The following PLEKHA5 variants were observed in gnomAD, a reference collection of about 807,000 sequenced individuals.
PLEKHA5 encodes the protein pleckstrin homology domain containing A5, also known as pleckstrin homology domain-containing family A member 5.
Under a neutral mutation model 181.9 loss-of-function variants are expected in PLEKHA5, and 55 were observed. The ratio of observed to expected loss-of-function variants is 0.30; its 90% confidence interval spans 0.24 to 0.38. The LOEUF (loss-of-function observed/expected upper bound fraction) is 0.38, where lower values mean the gene tolerates loss of function less well. Ranked by LOEUF, PLEKHA5 falls within the 10% of genes least tolerant of loss-of-function variation. The pLI is 1.00. For missense variants in PLEKHA5, 1,432 were observed against 1,549.5 expected (o/e 0.92, Z 1.27); for synonymous variants, 535 against 529.4 (o/e 1.01, Z -0.15).
intron 3 of PLEKHA5, among the ~76,000 whole-genome samples, chr12:19,188,182 TA>T (rs1259025519): frequency 6.6e-6 from 1 of 152,182 alleles, no homozygotes; most frequent in East Asian, 1.9e-4. Flanking sequence ...CAAGAGCAGG[TA>T]CAAATAGAGT....
chr12:19,149,652 G>A (rs1023915949), intron 3 of PLEKHA5: 1 of 152,200 alleles, frequency 6.6e-6, no homozygotes, highest in African/African-American at 2.4e-5. Flanking sequence ...GCTCTTATCT[G>A]AGATCACCTA....
intron 3 of PLEKHA5, among the ~76,000 whole-genome samples, chr12:19,208,404 T>C (rs143390016): frequency 0.17 from 10,510 of 61,054 alleles, 396 homozygotes; most frequent in Non-Finnish European, 0.29. Context: ...AAAAACTCTG[T>C]CTCAAAAAAA....
intron 3 of PLEKHA5, among the ~76,000 whole-genome samples, chr12:19,253,414 T>C (rs2065942975): frequency 6.6e-6 from 1 of 151,958 alleles, no homozygotes; most frequent in African/African-American, 2.4e-5. Context: ...GAAAAAGGAT[T>C]GAGGCCAGAC....
In PLEKHA5 at chr12:19,255,127, T is replaced by G. The variant is rs762134417; in HGVS notation, c.394T>G (p.Ser132Ala). 6.2e-7 allele frequency: 1 copy of G among 1,608,910 alleles called. No individual in the cohort carries two copies. The highest frequency in any genetic ancestry group is 8.5e-7 in the Non-Finnish European group (1 of 1,176,344). ...TGAAGCTTCTAACTATAACGTGACT[T>G]CAGATTATGCAGTGCATCCAATGAG... ...INEASNYNVT[S>A]DYAVHPMSPV... The change falls in exon 5 of 32, where the codon TCA becomes GCA. Residue 132 changes from serine (S) to alanine (A), a missense_variant. Ser to Ala is a moderately conservative substitution (Grantham distance 99). This residue lies in a region of PLEKHA5 where 289 missense variants were observed against 381.1 expected (regional missense o/e 0.76). Coordinates refer to ENST00000429027, the MANE Select transcript of PLEKHA5 (RefSeq NM_001256470.2).
At chr12:19,335,326 C>G (rs1240746035) in intron 20 of PLEKHA5, among the ~76,000 whole-genome samples, 1 of 151,848 alleles carries the variant, frequency 6.6e-6, no homozygotes, top group African/African-American at 2.4e-5. Context: ...AACCACCACA[C>G]CCAGCCAATC....
intron 3 of PLEKHA5, among the ~76,000 whole-genome samples, chr12:19,141,176 C>T (rs191048528): frequency 6.6e-6 from 1 of 152,164 alleles, no homozygotes; most frequent in African/African-American, 2.4e-5. Context: ...CCCCTCCCCC[C>T]CAACAGAAAG....
intron 3 of PLEKHA5, among the ~76,000 whole-genome samples, chr12:19,208,430 T>C (rs2056174152): frequency 6.6e-6 from 1 of 152,044 alleles, no homozygotes; most frequent in African/African-American, 2.4e-5. Context: ...AAGTTCATTT[T>C]TTCACTCGAA....
chr12:19,307,925 TAAAAAG>T (rs997376201), intron 15 of PLEKHA5, among the ~76,000 whole-genome samples: 30 of 143,124 alleles, frequency 2.1e-4, no homozygotes, highest in South Asian at 1.1e-3. Flanking sequence ...CTGGGAAACA[TAAAAAG>T]AAGAAGAAAG....
intron 7 of PLEKHA5, among the ~76,000 whole-genome samples, chr12:19,262,173 T>G (rs1376291371): frequency 1.3e-5 from 2 of 152,258 alleles, no homozygotes; most frequent in Non-Finnish European, 2.9e-5. Context: ...GGACTACTTA[T>G]AACAAGAAAT....
At chr12:19,248,260 C>G (rs948483884) in intron 3 of PLEKHA5, among the ~76,000 whole-genome samples, 2 of 151,956 alleles carry the variant, frequency 1.3e-5, no homozygotes, top group Non-Finnish European at 2.9e-5. Flanking sequence ...TGCATTGGCA[C>G]TATCTCAACT....
At chr12:19,374,238 CTT>C (rs139465408) in intron 31 of PLEKHA5, among the ~76,000 whole-genome samples, 51 of 136,952 alleles carry the variant, frequency 3.7e-4, no homozygotes, top group Non-Finnish European at 4.3e-4. Flanking sequence ...ACGTTTGGTA[CTT>C]TTTTTTTTTT....
chr12:19,270,747 T>C (rs1472505117), intron 10 of PLEKHA5, among the ~76,000 whole-genome samples: 1 of 152,184 alleles, frequency 6.6e-6, no homozygotes, highest in African/African-American at 2.4e-5. Context: ...TTCCAGTCAG[T>C]GACAGCTGAG....
At chr12:19,293,544 T>C (rs1370563470) in intron 15 of PLEKHA5, among the ~76,000 whole-genome samples, 1 of 152,076 alleles carries the variant, frequency 6.6e-6, no homozygotes, top group Non-Finnish European at 1.5e-5. Context: ...CTAAGATACA[T>C]GGGAAATAAA....
intron 29 of PLEKHA5, among the ~76,000 whole-genome samples, chr12:19,364,523 T>C (rs1472585032): frequency 6.6e-6 from 1 of 151,682 alleles, no homozygotes; most frequent in African/African-American, 2.4e-5. Context: ...AAAAAAAATA[T>C]ATATGTGTCA....
chr12:19,206,514 A>G (rs139903432), intron 3 of PLEKHA5, among the ~76,000 whole-genome samples: 5 of 152,234 alleles, frequency 3.3e-5, no homozygotes, highest in Non-Finnish European at 5.9e-5. Flanking sequence ...GTTAGTACAC[A>G]TAAATGTCAG....
intron 11 of PLEKHA5, among the ~76,000 whole-genome samples, chr12:19,280,040 T>C: frequency 1.0e-5 from 1 of 98,444 alleles, no homozygotes; most frequent in African/African-American, 5.4e-5. Context: ...AAACCTGTTT[T>C]TTTTTTTTTT....
At chr12:19,156,563 A>G (rs1001839854) in intron 3 of PLEKHA5, among the ~76,000 whole-genome samples, 1 of 151,720 alleles carries the variant, frequency 6.6e-6, no homozygotes, top group South Asian at 2.1e-4. Context: ...CACATCTGAG[A>G]CTGTTTCTTA....
At chr12:19,299,945 C>T (rs2080990237) in intron 15 of PLEKHA5, among the ~76,000 whole-genome samples, 2 of 152,184 alleles carry the variant, frequency 1.3e-5, no homozygotes, top group South Asian at 2.1e-4. Flanking sequence ...ATTCCTCCCC[C>T]ATAAACCCGT....
intron 3 of PLEKHA5, among the ~76,000 whole-genome samples, chr12:19,212,972 A>G (rs2057262676): frequency 6.6e-6 from 1 of 152,040 alleles, no homozygotes; most frequent in South Asian, 2.1e-4. Flanking sequence ...CAGTACCTAT[A>G]CTAGATTTCC....
Sources: gnomAD v4.1 joint callset for allele counts (sites outside exome capture counted in the v4.1 genomes callset) on GRCh38, gnomAD v4.1.1 for gene constraint, gnomAD v4.1.1 regional missense constraint, MANE v1.5 for transcripts, NCBI Gene and HGNC (gene_info 2026-07-23, HGNC 2026-07-21) for gene names.